Variants in SIPA1L2 observed in about 807,000 individuals in gnomAD.
SIPA1L2 encodes signal-induced proliferation-associated 1-like protein 2.
SIPA1L2 carries 56 observed loss-of-function variants against 163.9 expected under a neutral mutation model. That is an observed-to-expected ratio of 0.34 (90% CI 0.28 to 0.43). SIPA1L2 has a LOEUF of 0.43. SIPA1L2 is among the 20% of genes least tolerant of loss of function. SIPA1L2 has a pLI of 1.00. For synonymous variants in SIPA1L2, 877 were observed against 865.7 expected (o/e 1.01, Z -0.23); for missense variants, 1,974 against 2,193.5 (o/e 0.90, Z 2.00).
chr1:232,439,715 G>A (rs1572899341), intron 14 of SIPA1L2, among the ~76,000 whole-genome samples: 1 of 152,142 alleles, frequency 6.6e-6, no homozygotes. Flanking sequence ...AAGTTAAATG[G>A]GTATCTTTAA....
chr1:232,513,911 T>C lies in SIPA1L2; in HGVS notation c.1429A>G (p.Ile477Val), dbSNP rs771614758. Residue 477 changes from isoleucine (I) to valine (V), a missense_variant, in exon 3 of 23, where the codon ATA becomes GTA. By Grantham distance (29) the Ile-to-Val change is conservative. Around this residue, in one of 3 missense-constraint regions of SIPA1L2, gnomAD observed 607 missense variants for 624.0 expected, o/e 0.97. Transcript: ENST00000674635. ...TAGGCCCCAAGGTCAATGTGTTCTA[T>C]GATGTAGCGCTTCACTTTCTCCCTG... ...IHREKVKRYI[I>V]EHIDLGAYYY... The C allele has an allele frequency of 3.1e-6, 5 of 1,612,624 alleles. No individual in the cohort carries two copies. Among genetic ancestry groups the C allele is most frequent in the Non-Finnish European group, 4.2e-6 (5 of 1,179,406 alleles).
intron 2 of SIPA1L2, among the ~76,000 whole-genome samples, chr1:232,537,923 T>C (rs1398181149): frequency 1.3e-5 from 2 of 152,238 alleles, no homozygotes; most frequent in East Asian, 3.8e-4. Context: ...TATTTAAGCT[T>C]GTCCATTTTT....
At chr1:232,576,207 T>C (rs1221985078) in intron 1 of SIPA1L2, among the ~76,000 whole-genome samples, 3 of 152,224 alleles carry the variant, frequency 2.0e-5, no homozygotes, top group Non-Finnish European at 2.9e-5. Flanking sequence ...GCAGACACTG[T>C]GTCTTTTATA....
In SIPA1L2 at chr1:232,399,021, C is replaced by CAAA. The variant is rs1660174428; in HGVS notation, c.*103_*105dup. 1 of 1,502,292 alleles carries CAAA rather than the reference C, an allele frequency of 6.7e-7. No homozygotes were observed. Among genetic ancestry groups the CAAA allele is most frequent in the Non-Finnish European group, 9.0e-7 (1 of 1,107,834 alleles). The allele number at this position is 1,502,292 out of a possible 1,614,324, so 93.1% of individuals were successfully genotyped here. ...AATGGTGCTACACAGAATGGAACAG[C>CAAA]AAAAACATCTACGATTGGTTGAAAG... On this transcript the variant is annotated 3_prime_UTR_variant, in exon 23 of 23. Coordinates refer to ENST00000674635, the MANE Select transcript of SIPA1L2 (RefSeq NM_020808.5).
intron 6 of SIPA1L2, 45 bp downstream of exon 6, chr1:232,483,747 C>T (rs927899205): frequency 5.0e-6 from 8 of 1,608,230 alleles, no homozygotes; most frequent in Non-Finnish European, 6.8e-6. Flanking sequence ...GCATGCCTAC[C>T]TTTGGAGAAT....
intron 2 of SIPA1L2, among the ~76,000 whole-genome samples, chr1:232,569,399 C>T (rs1659587384): frequency 6.6e-6 from 1 of 152,152 alleles, no homozygotes; most frequent in Admixed American, 6.5e-5. Context: ...CAAGAGATGG[C>T]GCACATCTGC....
intron 17 of SIPA1L2, 106 bp downstream of exon 17, chr1:232,428,304 GA>G (rs1274677864): frequency 1.0e-6 from 1 of 980,286 alleles, no homozygotes; most frequent in Non-Finnish European, 1.4e-6. Flanking sequence ...GGTCATGAGA[GA>G]TGAAGCATGT....
At chr1:232,502,171 C>T (rs572261250) in intron 3 of SIPA1L2, among the ~76,000 whole-genome samples, 13 of 152,294 alleles carry the variant, frequency 8.5e-5, no homozygotes, top group African/African-American at 2.6e-4. Flanking sequence ...CAGACCCTTT[C>T]TTAACCTCAG....
chr1:232,535,002 T>C (rs922703275), intron 2 of SIPA1L2, among the ~76,000 whole-genome samples: 2 of 152,228 alleles, frequency 1.3e-5, no homozygotes, highest in Non-Finnish European at 2.9e-5. Flanking sequence ...TGGCAATTTC[T>C]ACTCATAAAT....
intron 1 of SIPA1L2, among the ~76,000 whole-genome samples, chr1:232,611,741 A>G (rs372503913): frequency 1.3e-5 from 2 of 152,332 alleles, no homozygotes; most frequent in African/African-American, 4.8e-5. Context: ...AGCAGATCAT[A>G]AAAGTTCAAA....
intron 22 of SIPA1L2, among the ~76,000 whole-genome samples, chr1:232,400,136 G>C (rs536982741): frequency 3.9e-5 from 6 of 152,160 alleles, no homozygotes. Flanking sequence ...GAGGAGGCCT[G>C]AATCAGAGCT....
chr1:232,428,631 A>G, intron 16 of SIPA1L2, 67 bp from the exon 17 acceptor site: 5 of 1,280,214 alleles, frequency 3.9e-6, no homozygotes, highest in Non-Finnish European at 5.1e-6. Context: ...AAGAATTAAA[A>G]CCTAGGAAGC....
In SIPA1L2 at chr1:232,405,206, A is replaced by C. The variant is rs549160251; in HGVS notation, c.4763-1028T>G. Among the ~76,000 whole-genome samples, 31 of 152,376 alleles carry C rather than the reference A, an allele frequency of 2.0e-4. No homozygotes were observed. In the South Asian group the frequency reaches 4.6e-3, roughly 22 times the overall value. On this transcript the variant is annotated intron_variant, in intron 19 of 22. Coordinates refer to ENST00000674635, the MANE Select transcript of SIPA1L2 (RefSeq NM_020808.5). ...GAAAGCACCGTCAGTGCCCTGACAGAGGCCTGGGCCCTCCTGAGTGCACCC... is the reference window on the plus strand; with the variant it reads ...GAAAGCACCGTCAGTGCCCTGACAGCGGCCTGGGCCCTCCTGAGTGCACCC...
At chr1:232,463,489 T>C (rs1265605147) in intron 9 of SIPA1L2, among the ~76,000 whole-genome samples, 1 of 152,234 alleles carries the variant, frequency 6.6e-6, no homozygotes, top group Non-Finnish European at 1.5e-5. Flanking sequence ...TCCTAAAATA[T>C]ATTTGTAATA....
chr1:232,404,806 A>C (rs186905455), intron 19 of SIPA1L2, among the ~76,000 whole-genome samples: 5 of 152,298 alleles, frequency 3.3e-5, no homozygotes, highest in Admixed American at 3.3e-4. Flanking sequence ...CATGGAAGTG[A>C]GAACCTCGCA....
rs60008360 is a variant in SIPA1L2, at chr1:232,501,050, A to ATTTTT, written c.1484-7395_1484-7391dup. ...TGTTAGCACTTTTTAGCAATGAAGTATTTTTTTTTTTTTTTTTTTTTTTGT... is the reference window on the plus strand; with the variant it reads ...TGTTAGCACTTTTTAGCAATGAAGTATTTTTTTTTTTTTTTTTTTTTTTTTTTTGT... On this transcript the variant is annotated intron_variant, in intron 3 of 22. Coordinates refer to ENST00000674635, the MANE Select transcript of SIPA1L2 (RefSeq NM_020808.5). Among the ~76,000 whole-genome samples the ATTTTT allele has an allele frequency of 2.0e-3, 160 of 78,422 alleles. 8 individuals carry two copies. The highest frequency in any genetic ancestry group is 7.4e-3 in the Admixed American group (36 of 4,872). The allele number at this position is 78,422 out of a possible 152,430, so 51.4% of individuals were successfully genotyped here.
chr1:232,539,785 A>T (rs1478793496), intron 2 of SIPA1L2, among the ~76,000 whole-genome samples: 1 of 152,092 alleles, frequency 6.6e-6, no homozygotes. Context: ...CAGCCCTCTT[A>T]CTTCAGAGAG....
intron 1 of SIPA1L2, among the ~76,000 whole-genome samples, chr1:232,587,927 C>T (rs111812531): frequency 0.013 from 1,960 of 152,278 alleles, 51 homozygotes; most frequent in African/African-American, 0.044. Flanking sequence ...GTGAGACGTG[C>T]CTTTCACCTT....
At chr1:232,535,722 G>A (rs941606862) in intron 2 of SIPA1L2, among the ~76,000 whole-genome samples, 5 of 152,078 alleles carry the variant, frequency 3.3e-5, no homozygotes, top group Non-Finnish European at 5.9e-5. Context: ...CAAATGCACC[G>A]TGCCTCACAG....
Sources: gnomAD v4.1 joint callset for allele counts (sites outside exome capture counted in the v4.1 genomes callset) on GRCh38, gnomAD v4.1.1 for gene constraint, gnomAD v4.1.1 regional missense constraint, MANE v1.5 for transcripts, NCBI Gene and HGNC (gene_info 2026-07-23, HGNC 2026-07-21) for gene names.